Variants in TMEM123 observed in about 807,000 individuals in gnomAD.
TMEM123 encodes the protein transmembrane protein 123.
A neutral mutation model predicts 19.7 loss-of-function variants in TMEM123; 16 were observed. The observed-to-expected ratio is 0.81, with a 90% CI of 0.55 to 1.23. TMEM123 has a LOEUF of 1.23. Among genes scored for constraint, TMEM123 ranks in the 50% most tolerant of loss-of-function variants. The probability of loss-of-function intolerance (pLI) is 0.00; values close to 1 mark genes in which losing one functional copy is unlikely to be tolerated. For missense variants in TMEM123, 313 were observed against 257.8 expected (o/e 1.21, Z -1.47); for synonymous variants, 118 against 99.4 (o/e 1.19, Z -1.12).
rs533138158 is a variant in TMEM123, at chr11:102,400,408, G to A, written c.602+1131C>T. Among the ~76,000 whole-genome samples, 5 of 152,328 alleles carry A rather than the reference G, an allele frequency of 3.3e-5. No homozygotes were observed. In the South Asian group the frequency reaches 6.2e-4, roughly 19 times the overall value. On this transcript the variant is annotated intron_variant, in intron 4 of 4. Transcript: ENST00000398136. ...GCTTAGAGAAGTCTTATAGTAAACT[G>A]TCTTAGTTTACTTTAGTCAACTGAA...
intron 2 of TMEM123, among the ~76,000 whole-genome samples, chr11:102,416,267 C>G (rs1308295988): frequency 6.6e-6 from 1 of 151,842 alleles, no homozygotes; most frequent in Admixed American, 6.6e-5. Context: ...TCCAGCTAGA[C>G]TAATAAAGAA....
chr11:102,410,567 T>C (rs947992124), intron 2 of TMEM123, among the ~76,000 whole-genome samples: 2 of 151,262 alleles, frequency 1.3e-5, no homozygotes, highest in African/African-American at 2.4e-5. Flanking sequence ...TAGACTGATA[T>C]TTTCCCTCTG....
At chr11:102,408,758 G>C (rs559804758) in intron 2 of TMEM123, among the ~76,000 whole-genome samples, 1 of 152,148 alleles carries the variant, frequency 6.6e-6, no homozygotes, top group African/African-American at 2.4e-5. Context: ...ACTACCATCC[G>C]AGTAACATCT....
intron 2 of TMEM123, among the ~76,000 whole-genome samples, chr11:102,440,479 C>A (rs1041222572): frequency 6.6e-5 from 10 of 152,124 alleles, no homozygotes; most frequent in African/African-American, 1.9e-4. Context: ...GAAATAAAAT[C>A]CTTTACAGAC....
chr11:102,398,417 G>A lies in TMEM123; in HGVS notation c.*450C>T. On this transcript the variant is annotated 3_prime_UTR_variant, in exon 5 of 5. Coordinates refer to ENST00000398136, the MANE Select transcript of TMEM123 (RefSeq NM_052932.3). Reference sequence around the variant, plus strand: ...ATTGTATAATTTCTGTGTGGCATTAGTAATTAAGATATATCCAGCTCTGAA... The same window carrying A: ...ATTGTATAATTTCTGTGTGGCATTAATAATTAAGATATATCCAGCTCTGAA... 1 of 396,774 alleles carries A rather than the reference G, an allele frequency of 2.5e-6. No individual in the cohort carries two copies. The highest frequency in any genetic ancestry group is 2.1e-5 in the African/African-American group (1 of 48,704). The allele number at this position is 396,774 out of a possible 1,614,324, so 24.6% of individuals were successfully genotyped here. A position where few individuals can be genotyped will look rare whatever the true frequency, so the allele number is the denominator to read the frequency against.
rs574707565 is a variant in TMEM123 at position 102,438,155 on chromosome 11, G to A, written c.157+10657C>T. ...TGCAATCTCTGCCACCCGGGATCATGCATTCTCCTGCCTCAGCCTCCTAAG... is the reference window on the plus strand; with the variant it reads ...TGCAATCTCTGCCACCCGGGATCATACATTCTCCTGCCTCAGCCTCCTAAG... On this transcript the variant is annotated intron_variant, in intron 2 of 4. Transcript: ENST00000398136. Among the ~76,000 whole-genome samples, 383 of 152,218 alleles carry A rather than the reference G, an allele frequency of 2.5e-3. 2 individuals are homozygous for A. The highest frequency in any genetic ancestry group is 8.6e-3 in the African/African-American group (356 of 41,512).
rs1951883447 is a variant in TMEM123 at position 102,398,809 on chromosome 11, C to A, written c.*58G>T. 1.3e-6 allele frequency: 2 copies of A among 1,574,870 alleles called. No individual in the cohort carries two copies. Among genetic ancestry groups the A allele is most frequent in the African/African-American group, 1.4e-5 (1 of 73,188 alleles). On this transcript the variant is annotated 3_prime_UTR_variant, in exon 5 of 5. Transcript: ENST00000398136. Reference sequence around the variant, plus strand: ...ATATTGTTTTAAACTATTAATAAACCAAAATTAATTGATAGGGCAGCATCA... The same window carrying A: ...ATATTGTTTTAAACTATTAATAAACAAAAATTAATTGATAGGGCAGCATCA...
rs1438248943 is a variant in TMEM123, at chr11:102,428,058, A to G, written c.157+20754T>C. On this transcript the variant is annotated intron_variant, in intron 2 of 4. Coordinates refer to ENST00000398136, the MANE Select transcript of TMEM123 (RefSeq NM_052932.3). ...GCTGATAAAAAAAAGTGATTTAACC[A>G]GGCCATGCATGGAGTCTAGAGAGGT... is the stretch of plus-strand genomic sequence containing the variant. Among the ~76,000 whole-genome samples, 3 of 152,190 alleles carry G rather than the reference A, an allele frequency of 2.0e-5. No homozygotes were observed. In the East Asian group the frequency reaches 5.8e-4, roughly 29 times the overall value.
rs954162004 is a variant in TMEM123, at chr11:102,401,729, A to G, written c.449-37T>C. Reference sequence around the variant, plus strand: ...GAAAACAAAAAAGGGCTTTAGCGTTATTTTTTTTTTTTTAACATTGTAATT... The same window carrying G: ...GAAAACAAAAAAGGGCTTTAGCGTTGTTTTTTTTTTTTTAACATTGTAATT... On this transcript the variant is annotated intron_variant, in intron 3 of 4. Transcript: ENST00000398136. The G allele has an allele frequency of 7.7e-6, 10 of 1,297,164 alleles. No individual in the cohort carries two copies. The Admixed American group carries it at 1.3e-4, about 17-fold the overall frequency. The allele number at this position is 1,297,164 out of a possible 1,614,324, so 80.4% of individuals were successfully genotyped here.
rs779205357 is a variant in TMEM123 at position 102,452,611 on chromosome 11, C to T, written c.13G>A (p.Ala5Thr). The change falls in exon 1 of 5, where the codon GCG (alanine) becomes ACG (threonine). Residue 5 changes from alanine to threonine, a missense_variant. By Grantham distance (58) the Ala-to-Thr change is moderately conservative (BLOSUM62 0). Coordinates refer to ENST00000398136, the MANE Select transcript of TMEM123 (RefSeq NM_052932.3). ...AGCAGCGCGGCCCAAGCACCTCGCG[C>T]GCCGAGTCCCATTGTTCCGAGGGCA... is the stretch of plus-strand genomic sequence containing the variant. MGLG[A>T]RGAWAALLLG... 3 of 1,555,692 alleles carry T rather than the reference C, an allele frequency of 1.9e-6. No individual in the cohort carries two copies. The highest frequency in any genetic ancestry group is 2.3e-5 in the South Asian group (2 of 85,820).
chr11:102,442,247 A>G (rs589533), intron 2 of TMEM123, among the ~76,000 whole-genome samples: 125,433 of 151,842 alleles, frequency 0.83, 52,432 homozygotes, highest in East Asian at 0.99. Context: ...AGACACAACA[A>G]AAGAATTTTA....
chr11:102,440,882 G>A (rs973435484), intron 2 of TMEM123, among the ~76,000 whole-genome samples: 2 of 152,102 alleles, frequency 1.3e-5, no homozygotes, highest in African/African-American at 4.8e-5. Flanking sequence ...AAAAAAAGCA[G>A]GGGTTGCAAT....
intron 3 of TMEM123, 37 bp downstream of exon 3, chr11:102,401,879 G>A (rs1951915932): frequency 1.9e-6 from 3 of 1,591,072 alleles, no homozygotes; most frequent in Non-Finnish European, 2.6e-6. Flanking sequence ...TTAACTACTT[G>A]CAGCATAGGA....
chr11:102,403,351 C>T (rs1241061013), intron 2 of TMEM123, among the ~76,000 whole-genome samples: 2 of 152,188 alleles, frequency 1.3e-5, no homozygotes, highest in African/African-American at 2.4e-5. Context: ...TGTTTTCATC[C>T]AGCAAAGGTT....
At chr11:102,432,398 A>G (rs1857721206) in intron 2 of TMEM123, among the ~76,000 whole-genome samples, 1 of 152,138 alleles carries the variant, frequency 6.6e-6, no homozygotes, top group South Asian at 2.1e-4. Context: ...AGTAAAGGTC[A>G]CTCTTGCTAT....
chr11:102,420,899 T>C lies in TMEM123; in HGVS notation c.158-18693A>G, dbSNP rs115667017. Among the ~76,000 whole-genome samples the C allele has an allele frequency of 8.9e-3, 1,354 of 152,182 alleles. 29 individuals are homozygous for C. The highest frequency in any genetic ancestry group is 0.031 in the African/African-American group (1,271 of 41,532). On this transcript the variant is annotated intron_variant, in intron 2 of 4. Coordinates refer to ENST00000398136, the MANE Select transcript of TMEM123 (RefSeq NM_052932.3). ...CCTGTCTCTGCAAAAATACAAAAAT[T>C]ACCCAGGTGGGGTGGTGCATGCCTG...
At chr11:102,430,966 G>T (rs910175810) in intron 2 of TMEM123, among the ~76,000 whole-genome samples, 1 of 152,130 alleles carries the variant, frequency 6.6e-6, no homozygotes, top group Non-Finnish European at 1.5e-5. Context: ...TCAATGTGGG[G>T]TGAAAAAAGT....
intron 2 of TMEM123, among the ~76,000 whole-genome samples, chr11:102,404,808 C>G (rs1951941618): frequency 6.6e-6 from 1 of 152,072 alleles, no homozygotes; most frequent in Admixed American, 6.6e-5. Context: ...CCATGTTGGC[C>G]TGGCTGGTCT....
intron 2 of TMEM123, among the ~76,000 whole-genome samples, chr11:102,433,341 G>C (rs1304608418): frequency 6.6e-6 from 1 of 151,984 alleles, no homozygotes; most frequent in Non-Finnish European, 1.5e-5. Context: ...ATGAGACAGA[G>C]TCATAGGAAA....
Sources: allele counts gnomAD v4.1 joint callset (sites outside exome capture counted in the v4.1 genomes callset), GRCh38; gene constraint gnomAD v4.1.1; transcripts MANE v1.5; gene names NCBI Gene and HGNC (gene_info 2026-07-23, HGNC 2026-07-21).